Variants in CDC42EP1 observed in about 807,000 individuals in gnomAD.
The protein encoded by CDC42EP1 is CDC42 effector protein 1, also known as 55 kDa bone marrow stromal/endothelial cell protein.
CDC42EP1 carries 6 observed loss-of-function variants against 7.4 expected under a neutral mutation model. That is an observed-to-expected ratio of 0.81 (90% CI 0.44 to 1.60). CDC42EP1 has a LOEUF of 1.60. Ranked by LOEUF, CDC42EP1 falls within the 40% of genes most tolerant of loss-of-function variation. CDC42EP1 has a pLI of 0.01. For synonymous variants in CDC42EP1, 238 were observed against 227.1 expected, an observed-to-expected ratio of 1.05 and a Z score of -0.43; for missense variants, 567 against 539.0, an observed-to-expected ratio of 1.05 and a Z score of -0.51.
Position 37,568,398 on chromosome 22 carries a change from C to A in CDC42EP1, c.754C>A (p.Pro252Thr). ...AANPPATTANPPAPAANPSAP... is the reference protein window; with the variant it reads ...AANPPATTANTPAPAANPSAP... ...AAACCCCCCAGCCACTACTGCAAAC[C>A]CCCCAGCGCCTGCTGCAAACCCCTC... Residue 252 changes from proline (P) to threonine (T), a missense_variant, in exon 3 of 3, where the codon CCC (proline) becomes ACC (threonine). By Grantham distance (38) the Pro-to-Thr change is conservative (BLOSUM62 -1). Transcript: ENST00000249014. 1 of 1,495,490 alleles carries A rather than the reference C, an allele frequency of 6.7e-7. No individual in the cohort carries two copies. The highest frequency in any genetic ancestry group is 9.2e-7 in the Non-Finnish European group (1 of 1,090,494). 92.6% of individuals were successfully genotyped at this position (1,495,490 alleles called of 1,614,324 possible).
chr22:37,569,280 A>C lies in CDC42EP1; in HGVS notation c.*460A>C. ...CCGTCTCCCAGGCCGCTTCCCCAAC[A>C]TCCCCGCCCCAGCCTCCCTCTTACC... On this transcript the variant is annotated 3_prime_UTR_variant, in exon 3 of 3. Coordinates refer to ENST00000249014, the MANE Select transcript of CDC42EP1 (RefSeq NM_152243.3). 5 of 153,506 alleles carry C rather than the reference A, an allele frequency of 3.3e-5. No homozygotes were observed. Among genetic ancestry groups the C allele is most frequent in the Non-Finnish European group, 5.8e-5 (4 of 69,098 alleles). 9.5% of individuals were successfully genotyped at this position (153,506 alleles called of 1,614,324 possible).
rs955399481 is a variant in CDC42EP1, at chr22:37,568,317, C to T, written c.673C>T (p.Pro225Ser). ...SLPEAPAAET[P>S]APAANPPAPT... is the part of the protein sequence containing the mutation. ...CCCAGAAGCCCCTGCAGCTGAGACT[C>T]CAGCCCCCGCTGCAAACCCCCCAGC... The change falls in exon 3 of 3, where the codon CCA becomes TCA. Residue 225 changes from proline to serine, a missense_variant. Pro to Ser is a moderately conservative substitution (Grantham distance 74). Transcript: ENST00000249014. The T allele has an allele frequency of 5.0e-6, 8 of 1,611,140 alleles. No homozygotes were observed. In the African/African-American group the frequency reaches 6.7e-5, roughly 13 times the overall value.
intron 1 of CDC42EP1, among the ~76,000 whole-genome samples, chr22:37,561,457 C>T (rs1159822102): frequency 6.6e-6 from 1 of 152,224 alleles, no homozygotes; most frequent in Non-Finnish European, 1.5e-5. Flanking sequence ...TTTCCACTTT[C>T]CCCGTCGCTC....
chr22:37,561,727 C>T (rs995037473), intron 1 of CDC42EP1, among the ~76,000 whole-genome samples: 2 of 152,188 alleles, frequency 1.3e-5, no homozygotes, highest in Admixed American at 6.5e-5. Context: ...GCTGGATGCC[C>T]GCAGGAAGTG....
chr22:37,565,638 G>C (rs1925207279), intron 1 of CDC42EP1: 1 of 131,780 alleles, frequency 7.6e-6, no homozygotes, highest in Non-Finnish European at 1.5e-5. Flanking sequence ...GGAGTGCCGT[G>C]ATGTGATCTT....
chr22:37,568,568 TCC>T lies in CDC42EP1; in HGVS notation c.927_928del (p.Gly311ThrfsTer68), dbSNP rs1569180500. 1 of 1,604,182 alleles carries T rather than the reference TCC, an allele frequency of 6.2e-7. No individual in the cohort carries two copies. The highest frequency in any genetic ancestry group is 2.3e-5 in the East Asian group (1 of 44,412). The part of the protein sequence containing the change: ...EVKSSPVGGG[P>X]RGPAGPALGR... ...TGAAGTCCAGCCCAGTGGGAGGGGGTCCCCGAGGACCTGCTGGCCCTGCCCTC... is the reference window on the plus strand; with the variant it reads ...TGAAGTCCAGCCCAGTGGGAGGGGGTCCGAGGACCTGCTGGCCCTGCCCTC... On this transcript the variant is annotated frameshift_variant, in exon 3 of 3. Coordinates refer to ENST00000249014, the MANE Select transcript of CDC42EP1 (RefSeq NM_152243.3). LOFTEE classifies it low-confidence loss of function (END_TRUNC).
At chr22:37,567,301 G>T (rs376407164) in intron 2 of CDC42EP1, among the ~76,000 whole-genome samples, 19 of 152,280 alleles carry the variant, frequency 1.2e-4, no homozygotes, top group African/African-American at 4.6e-4. Flanking sequence ...AGAGGCGCAG[G>T]GGGGCTGATA....
chr22:37,567,539 A>C (rs1925289110), intron 2 of CDC42EP1, among the ~76,000 whole-genome samples: 1 of 152,140 alleles, frequency 6.6e-6, no homozygotes, highest in Non-Finnish European at 1.5e-5. Context: ...CCCCTGCCCC[A>C]GGCGGCTGCT....
Position 37,566,143 on chromosome 22 carries a change from T to A in CDC42EP1, c.-207T>A. ...TTCTCTGCGCTTGAACATCTATAGC[T>A]GCTTCTGAGGGGCTGGGAGCCGGGC... On this transcript the variant is annotated 5_prime_UTR_variant, in exon 2 of 3. Coordinates refer to ENST00000249014, the MANE Select transcript of CDC42EP1 (RefSeq NM_152243.3). The surrounding 1 kb of genome is among the most constrained non-coding windows in gnomAD (Gnocchi z 6.4). 1 of 445,156 alleles carries A rather than the reference T, an allele frequency of 2.2e-6. No homozygotes were observed. The highest frequency in any genetic ancestry group is 5.2e-5 in the South Asian group (1 of 19,174). 27.6% of individuals were successfully genotyped at this position (445,156 alleles called of 1,614,324 possible).
chr22:37,567,383 A>G (rs1925283387), intron 2 of CDC42EP1, among the ~76,000 whole-genome samples: 1 of 152,118 alleles, frequency 6.6e-6, no homozygotes, highest in South Asian at 2.1e-4. Flanking sequence ...CAAATTTGGG[A>G]AACCACTCAC....
Position 37,566,809 on chromosome 22 carries a change from T to C in CDC42EP1, c.460T>C (p.Tyr154His), listed in dbSNP as rs1925267092. Residue 154 changes from tyrosine to histidine, a missense_variant, in exon 2 of 3, where the codon TAC becomes CAC. By Grantham distance (83) the Tyr-to-His change is moderately conservative. Transcript: ENST00000249014. This position sits in a 1 kb window ranked among gnomAD's most constrained non-coding sequence, Gnocchi z 6.4. ...PTSSTDGHSS[Y>H]GLDSGFCTIS... ...CAGCTCCACGGACGGCCACTCCAGC[T>C]ACGGTGAGGGCCTGGGCCATCTTGG... is the stretch of plus-strand genomic sequence containing the variant. The C allele has an allele frequency of 1.3e-6, 2 of 1,557,486 alleles. No individual in the cohort carries two copies. The highest frequency in any genetic ancestry group is 1.7e-6 in the Non-Finnish European group (2 of 1,153,058).
intron 1 of CDC42EP1, among the ~76,000 whole-genome samples, chr22:37,565,113 G>A (rs8139004): frequency 0.061 from 9,274 of 152,004 alleles, 693 homozygotes; most frequent in African/African-American, 0.18. Flanking sequence ...ACGATGAGGC[G>A]GGTGAGGTCT....
At chr22:37,567,912 T>A (rs1925303247) in intron 2 of CDC42EP1, among the ~76,000 whole-genome samples, 196 bp from the exon 3 acceptor site, 1 of 152,198 alleles carries the variant, frequency 6.6e-6, no homozygotes, top group African/African-American at 2.4e-5. Context: ...ATGATGATTT[T>A]CAGCTTTCGG....
rs1476487957 is a variant in CDC42EP1 at position 37,566,033 on chromosome 22, G to T, written c.-278-39G>T. ...TGGACCCCGGATTTCCTCCTCTGTC[G>T]CGGGCCTGCCGTCACCGCCCATTCT... On this transcript the variant is annotated intron_variant, in intron 1 of 2. Coordinates refer to ENST00000249014, the MANE Select transcript of CDC42EP1 (RefSeq NM_152243.3). The surrounding 1 kb of genome is among the most constrained non-coding windows in gnomAD (Gnocchi z 6.4). The T allele has an allele frequency of 1.4e-5, 4 of 285,120 alleles. No individual in the cohort carries two copies. Among genetic ancestry groups the T allele is most frequent in the South Asian group, 1.4e-4 (1 of 7,256 alleles). The allele number at this position is 285,120 out of a possible 1,614,324, so 17.7% of individuals were successfully genotyped here. A position where few individuals can be genotyped will look rare whatever the true frequency, so the allele number is the denominator to read the frequency against.
intron 2 of CDC42EP1, among the ~76,000 whole-genome samples, chr22:37,567,834 G>A (rs1276610570): frequency 6.6e-6 from 1 of 152,168 alleles, no homozygotes; most frequent in Non-Finnish European, 1.5e-5. Context: ...TATGGCCTTG[G>A]GCTAGCTCCT....
intron 1 of CDC42EP1, among the ~76,000 whole-genome samples, chr22:37,561,056 C>A (rs891696424): frequency 1.3e-5 from 2 of 152,116 alleles, no homozygotes; most frequent in African/African-American, 4.8e-5. Flanking sequence ...CCGCCGCATT[C>A]CAGGCTGGAG....
At chr22:37,562,559 G>C (rs903839627) in intron 1 of CDC42EP1, among the ~76,000 whole-genome samples, 1 of 152,230 alleles carries the variant, frequency 6.6e-6, no homozygotes, top group African/African-American at 2.4e-5. Flanking sequence ...GGAACTGCCT[G>C]GTGTGCTGTT....
chr22:37,561,600 CAGG>C (rs1288339451), intron 1 of CDC42EP1, among the ~76,000 whole-genome samples: 6 of 152,230 alleles, frequency 3.9e-5, no homozygotes, highest in East Asian at 3.8e-4. Context: ...CTTTGAGGAG[CAGG>C]AGAAGTCAGC....
chr22:37,561,473 T>C (rs1302147362), intron 1 of CDC42EP1, among the ~76,000 whole-genome samples: 1 of 152,186 alleles, frequency 6.6e-6, no homozygotes, highest in Non-Finnish European at 1.5e-5. Context: ...CGCTCCCTAA[T>C]GGCCCACGGT....
Sources: gnomAD v4.1 joint callset for allele counts (sites outside exome capture counted in the v4.1 genomes callset) on GRCh38, gnomAD v4.1.1 for gene constraint, Gnocchi (gnomAD v3.1) non-coding constraint, MANE v1.5 for transcripts, NCBI Gene and HGNC (gene_info 2026-07-23, HGNC 2026-07-21) for gene names.